Variants in NALCN observed in about 807,000 individuals in gnomAD.
NALCN encodes sodium leak channel, non-selective.
In NALCN, 111 loss-of-function variants were observed where a neutral mutation model predicts 225.3. That is an observed-to-expected ratio of 0.49 (90% CI 0.42 to 0.58). The LOEUF is 0.58. NALCN is among the 20% of genes least tolerant of loss of function. The pLI is 0.00. For missense variants in NALCN, 1,378 were observed against 2,202.4 expected (o/e 0.63, Z 7.49); for synonymous variants, 764 against 769.0 (o/e 0.99, Z 0.11).
At chr13:101,290,855 TATA>T in intron 9 of NALCN, among the ~76,000 whole-genome samples, 1 of 152,342 alleles carries the variant, frequency 6.6e-6, no homozygotes, top group African/African-American at 2.4e-5. Flanking sequence ...AATTTAATAT[TATA>T]ATAATTACAA....
At chr13:101,163,398 C>T (rs867152260) in intron 15 of NALCN, among the ~76,000 whole-genome samples, 3 of 152,024 alleles carry the variant, frequency 2.0e-5, no homozygotes, top group Non-Finnish European at 4.4e-5. Flanking sequence ...AAAACAGTCC[C>T]GAGTACCCAT....
intron 1 of NALCN, among the ~76,000 whole-genome samples, chr13:101,404,020 T>A (rs2047550523): frequency 6.6e-6 from 1 of 152,242 alleles, no homozygotes; most frequent in African/African-American, 2.4e-5. Flanking sequence ...TTTTGTTAAG[T>A]GACGTGGATT....
In NALCN at chr13:101,265,243, T is replaced by C. The variant is rs972916070; in HGVS notation, c.1135-6669A>G. On this transcript the variant is annotated intron_variant, in intron 10 of 43. Coordinates refer to ENST00000251127, the MANE Select transcript of NALCN (RefSeq NM_052867.4). Reference sequence around the variant, plus strand: ...TCACCTTCTATGAAACATGATTGTATAAAAGTGCCCAGGGCTACAAAATGG... The same window carrying C: ...TCACCTTCTATGAAACATGATTGTACAAAAGTGCCCAGGGCTACAAAATGG... Among the ~76,000 whole-genome samples the C allele has an allele frequency of 2.0e-5, 3 of 152,286 alleles. No individual in the cohort carries two copies. In the South Asian group the frequency reaches 6.2e-4, roughly 32 times the overall value.
chr13:101,135,122 G>A (rs796181029), intron 17 of NALCN, among the ~76,000 whole-genome samples: 11 of 152,336 alleles, frequency 7.2e-5, no homozygotes, highest in African/African-American at 2.2e-4. Flanking sequence ...GTGAACCCGG[G>A]AGGCGGAGCT....
intron 11 of NALCN, among the ~76,000 whole-genome samples, chr13:101,248,886 G>A (rs1416847515): frequency 2.6e-5 from 4 of 151,980 alleles, no homozygotes; most frequent in African/African-American, 7.3e-5. Flanking sequence ...GGAAACCCCC[G>A]AGTTTTTAGC....
At chr13:101,079,282 T>C (rs1319132872) in intron 34 of NALCN, among the ~76,000 whole-genome samples, 1 of 152,252 alleles carries the variant, frequency 6.6e-6, no homozygotes, top group African/African-American at 2.4e-5. Flanking sequence ...CTTCCCTCTT[T>C]ATGTTTTGGA....
intron 37 of NALCN, among the ~76,000 whole-genome samples, chr13:101,072,824 T>C (rs958962122): frequency 9.9e-5 from 15 of 152,182 alleles, no homozygotes; most frequent in African/African-American, 3.6e-4. Flanking sequence ...AAAACTAAAA[T>C]TCAGTTCCTC....
chr13:101,287,855 A>G (rs1019800869), intron 9 of NALCN, among the ~76,000 whole-genome samples: 2 of 152,222 alleles, frequency 1.3e-5, no homozygotes, highest in African/African-American at 4.8e-5. Flanking sequence ...CATCAACAAC[A>G]TGAATAACAG....
chr13:101,302,147 C>G (rs1216920444), intron 7 of NALCN, among the ~76,000 whole-genome samples: 1 of 151,964 alleles, frequency 6.6e-6, no homozygotes, highest in Non-Finnish European at 1.5e-5. Context: ...AAATTAGAAC[C>G]AAGCATTTGG....
intron 2 of NALCN, among the ~76,000 whole-genome samples, chr13:101,397,910 T>C (rs1456969313): frequency 6.6e-6 from 1 of 152,138 alleles, no homozygotes; most frequent in Non-Finnish European, 1.5e-5. Flanking sequence ...CCAGTCCTAA[T>C]GGATGAGGAG....
chr13:101,160,796 T>C (rs575685583), intron 15 of NALCN, among the ~76,000 whole-genome samples: 5 of 152,168 alleles, frequency 3.3e-5, no homozygotes, highest in Non-Finnish European at 5.9e-5. Flanking sequence ...CTGGCCAGCA[T>C]TGCGAGGCAA....
chr13:101,124,205 G>T (rs1416034196), intron 18 of NALCN, among the ~76,000 whole-genome samples: 1 of 151,994 alleles, frequency 6.6e-6, no homozygotes, highest in East Asian at 1.9e-4. Context: ...ATTATTTCCG[G>T]ATTTTTAATA....
chr13:101,190,151 ATATC>A (rs1446669945), intron 14 of NALCN, among the ~76,000 whole-genome samples: 1 of 152,212 alleles, frequency 6.6e-6, no homozygotes, highest in Non-Finnish European at 1.5e-5. Flanking sequence ...AATCAAACAT[ATATC>A]TGAGTGTGAA....
At chr13:101,232,310 T>C (rs1398271071) in intron 12 of NALCN, among the ~76,000 whole-genome samples, 2 of 152,124 alleles carry the variant, frequency 1.3e-5, no homozygotes, top group East Asian at 1.9e-4. Flanking sequence ...AGTAAACCAA[T>C]TGAAAAAAAA....
chr13:101,073,808 TTA>T, intron 36 of NALCN, 131 bp from the exon 37 acceptor site: 1 of 645,344 alleles, frequency 1.5e-6, no homozygotes, highest in Non-Finnish European at 2.6e-6. Flanking sequence ...TTTCCAAAGG[TTA>T]TACCTTTTTA....
At chr13:101,074,363 T>C in intron 36 of NALCN, 151 bp downstream of exon 36, 1 of 635,736 alleles carries the variant, frequency 1.6e-6, no homozygotes, top group Non-Finnish European at 2.3e-6. Flanking sequence ...AAAATATCAT[T>C]TAAAACTTGG....
At chr13:101,183,827 G>A (rs554828362) in intron 14 of NALCN, among the ~76,000 whole-genome samples, 7 of 152,082 alleles carry the variant, frequency 4.6e-5, no homozygotes, top group South Asian at 2.1e-4. Context: ...ATAATTTCAG[G>A]GGAAAAAGGC....
intron 15 of NALCN, among the ~76,000 whole-genome samples, chr13:101,148,859 T>C (rs1208871244): frequency 6.6e-6 from 1 of 152,198 alleles, no homozygotes; most frequent in African/African-American, 2.4e-5. Context: ...TATCTATTGA[T>C]TGATTGAATA....
intron 15 of NALCN, 82 bp from the exon 16 acceptor site, chr13:101,144,978 GAAGC>G: frequency 7.1e-7 from 1 of 1,415,548 alleles, no homozygotes; most frequent in Non-Finnish European, 9.3e-7. Context: ...TTTTAGAATG[GAAGC>G]AATAAGTAAT....
Sources: allele counts gnomAD v4.1 joint callset (sites outside exome capture counted in the v4.1 genomes callset), GRCh38; gene constraint gnomAD v4.1.1; transcripts MANE v1.5; gene names NCBI Gene and HGNC (gene_info 2026-07-23, HGNC 2026-07-21).